Variants in CTNNA3 observed in about 807,000 individuals in gnomAD.
The protein encoded by CTNNA3 is catenin alpha 3.
CTNNA3 carries 76 observed loss-of-function variants against 95.7 expected under a neutral mutation model. The ratio of observed to expected loss-of-function variants is 0.79; its 90% CI spans 0.66 to 0.96. CTNNA3 has a LOEUF of 0.96. CTNNA3 is among the 40% of genes least tolerant of loss of function. The probability of loss-of-function intolerance (pLI) is 0.00; values close to 1 mark genes in which losing one functional copy is unlikely to be tolerated. For missense variants in CTNNA3, 1,191 were observed against 1,089.8 expected (o/e 1.09, Z -1.31); for synonymous variants, 431 against 374.4 (o/e 1.15, Z -1.74).
intron 12 of CTNNA3, among the ~76,000 whole-genome samples, chr10:66,326,245 C>G (rs757019642): frequency 1.3e-5 from 2 of 152,092 alleles, no homozygotes; most frequent in Non-Finnish European, 2.9e-5. Flanking sequence ...GTGAAGGACA[C>G]TAATACTTGA....
chr10:67,708,236 C>T (rs1378687387), intron 1 of CTNNA3, among the ~76,000 whole-genome samples: 1 of 152,118 alleles, frequency 6.6e-6, no homozygotes, highest in Non-Finnish European at 1.5e-5. Flanking sequence ...CCTTAACAAG[C>T]AGAGTAATTA....
At chr10:67,743,930 G>T (rs78920001) in intron 1 of CTNNA3, among the ~76,000 whole-genome samples, 21,619 of 150,776 alleles carry the variant, frequency 0.14, 3,216 homozygotes, top group East Asian at 0.44. Flanking sequence ...AAATACCTAG[G>T]AATCCAACTT....
At chr10:66,726,273 T>C (rs1252466541) in intron 9 of CTNNA3, among the ~76,000 whole-genome samples, 1 of 152,058 alleles carries the variant, frequency 6.6e-6, no homozygotes. Flanking sequence ...TTTCATGGGT[T>C]CCTTTCAAAG....
intron 10 of CTNNA3, among the ~76,000 whole-genome samples, chr10:66,601,264 G>C (rs993243110): frequency 5.3e-5 from 8 of 151,674 alleles, no homozygotes; most frequent in African/African-American, 1.5e-4. Flanking sequence ...TCAACGAGCA[G>C]AAATTGAGAA....
At chr10:66,900,250 C>G (rs1407334571) in intron 7 of CTNNA3, among the ~76,000 whole-genome samples, 2 of 152,110 alleles carry the variant, frequency 1.3e-5, no homozygotes, top group African/African-American at 2.4e-5. Flanking sequence ...GGACCTCCAG[C>G]AAACTCCAAC....
At chr10:67,025,582 G>T (rs561089608) in intron 7 of CTNNA3, among the ~76,000 whole-genome samples, 2 of 151,960 alleles carry the variant, frequency 1.3e-5, no homozygotes, top group African/African-American at 4.8e-5. Context: ...AGAATAGCTC[G>T]GTTTCTGACT....
intron 1 of CTNNA3, among the ~76,000 whole-genome samples, chr10:67,757,930 T>C (rs1183879945): frequency 6.6e-6 from 1 of 152,170 alleles, no homozygotes. Context: ...TAAAATGTTA[T>C]CTATGGGTGT....
chr10:66,751,140 T>C (rs905754204), intron 9 of CTNNA3, among the ~76,000 whole-genome samples: 15 of 151,990 alleles, frequency 9.9e-5, no homozygotes, highest in Admixed American at 9.8e-4. Context: ...TGGTGGTGCA[T>C]GCCTGTAATC....
rs1342650230 is a variant in CTNNA3 at position 67,715,256 on chromosome 10, T to C, written c.-2+48178A>G. On this transcript the variant is annotated intron_variant, in intron 1 of 17. Coordinates refer to the CTNNA3 transcript ENST00000684154. ...GTTTTCAATAAATGGTAGCTATTTT[T>C]AATCATGTTAATGACTTGGATAATG... Among the ~76,000 whole-genome samples the C allele has an allele frequency of 3.3e-5, 5 of 152,366 alleles. No homozygotes were observed. The East Asian group carries it at 9.6e-4, about 29-fold the overall frequency.
rs576698827 is a variant in CTNNA3 at position 66,095,634 on chromosome 10, G to A, written c.1977+7523C>T. Among the ~76,000 whole-genome samples the A allele has an allele frequency of 5.9e-4, 89 of 152,046 alleles. 1 individual carries two copies. The highest frequency in any genetic ancestry group is 2.0e-3 in the African/African-American group (84 of 41,530). The stretch of plus-strand genomic sequence containing the variant: ...TCTATTTCATAGTGAAGGATATTCA[G>A]GTAACTGCATGTAAACAAGCAAAAG... On this transcript the variant is annotated intron_variant, in intron 14 of 17. Coordinates refer to ENST00000433211, the MANE Select transcript of CTNNA3 (RefSeq NM_013266.4).
chr10:66,451,189 G>C (rs1376437267), intron 11 of CTNNA3, among the ~76,000 whole-genome samples: 1 of 152,134 alleles, frequency 6.6e-6, no homozygotes, highest in East Asian at 1.9e-4. Context: ...ATGATTAATA[G>C]TGGTAGTTTT....
At chr10:66,414,944 A>G (rs2132609168) in intron 11 of CTNNA3, among the ~76,000 whole-genome samples, 1 of 152,250 alleles carries the variant, frequency 6.6e-6, no homozygotes, top group East Asian at 1.9e-4. Flanking sequence ...ACAAGTGACC[A>G]CAGGCTTCTC....
chr10:66,257,385 G>A (rs543874722), intron 13 of CTNNA3, among the ~76,000 whole-genome samples: 1 of 152,310 alleles, frequency 6.6e-6, no homozygotes, highest in Admixed American at 6.5e-5. Context: ...TTGTAAAATG[G>A]AAGGCTATTC....
chr10:66,941,932 C>T (rs189799445), intron 7 of CTNNA3, among the ~76,000 whole-genome samples: 1 of 152,084 alleles, frequency 6.6e-6, no homozygotes, highest in Non-Finnish European at 1.5e-5. Context: ...TAAGTCTGTT[C>T]GTGGAAGACT....
In CTNNA3 at chr10:66,387,461, A is replaced by T. The variant is rs186299025; in HGVS notation, c.1532-8109T>A. Among the ~76,000 whole-genome samples the T allele has an allele frequency of 8.3e-4, 126 of 152,264 alleles. 1 individual carries two copies. The Middle Eastern group carries it at 0.01, about 12-fold the overall frequency. On this transcript the variant is annotated intron_variant, in intron 11 of 17. Coordinates refer to ENST00000433211, the MANE Select transcript of CTNNA3 (RefSeq NM_013266.4). ...CAGGAAACAACAGATGCTGGACAGG[A>T]TGTGGAGAAACAGGAACACTTTTAC...
At chr10:65,926,476 ATTT>A (rs200139185) in intron 17 of CTNNA3, among the ~76,000 whole-genome samples, 5 of 139,748 alleles carry the variant, frequency 3.6e-5, no homozygotes, top group Admixed American at 7.2e-5. Context: ...GAGTGTTCCA[ATTT>A]TTTTTTTTTT....
chr10:67,672,328 T>A (rs1452531115), intron 1 of CTNNA3, among the ~76,000 whole-genome samples: 1 of 152,234 alleles, frequency 6.6e-6, no homozygotes, highest in Non-Finnish European at 1.5e-5. Flanking sequence ...ACTCTGATGG[T>A]AGTTTCTTCT....
intron 11 of CTNNA3, among the ~76,000 whole-genome samples, chr10:66,448,477 C>T (rs1306746278): frequency 6.6e-6 from 1 of 152,148 alleles, no homozygotes; most frequent in Non-Finnish European, 1.5e-5. Flanking sequence ...CACATATACA[C>T]CATGGAATAC....
At chr10:67,313,713 T>C (rs960238315) in intron 5 of CTNNA3, among the ~76,000 whole-genome samples, 3 of 152,090 alleles carry the variant, frequency 2.0e-5, no homozygotes, top group African/African-American at 7.2e-5. Context: ...TGAACCAAGA[T>C]AGTAGCAACA....
Sources: allele counts gnomAD v4.1 joint callset (sites outside exome capture counted in the v4.1 genomes callset), GRCh38; gene constraint gnomAD v4.1.1; transcripts MANE v1.5; gene names NCBI Gene and HGNC (gene_info 2026-07-23, HGNC 2026-07-21).